Variants in IL1RAP observed in about 807,000 individuals in gnomAD.
IL1RAP encodes the protein interleukin 1 receptor accessory protein, also known as interleukin-1 receptor accessory protein.
In IL1RAP, 35 loss-of-function variants were observed where a neutral mutation model predicts 60.7. The ratio of observed to expected loss-of-function variants is 0.58; its 90% CI spans 0.44 to 0.76. The LOEUF (loss-of-function observed/expected upper bound fraction) is 0.76. Ranked by LOEUF, IL1RAP falls within the 30% of genes least tolerant of loss-of-function variation. The pLI is 0.00. For synonymous variants in IL1RAP, 268 were observed against 250.9 expected (o/e 1.07, Z -0.64); for missense variants, 572 against 693.9 (o/e 0.82, Z 1.97).
chr3:190,517,454 G>T (rs1218452065), intron 1 of IL1RAP, among the ~76,000 whole-genome samples: 2 of 152,180 alleles, frequency 1.3e-5, no homozygotes, highest in Non-Finnish European at 2.9e-5. Flanking sequence ...GGCATTTGCA[G>T]AAAGAGACCA....
chr3:190,537,403 C>T (rs9876152), intron 1 of IL1RAP, among the ~76,000 whole-genome samples: 15,123 of 152,116 alleles, frequency 0.099, 1,065 homozygotes, highest in East Asian at 0.36. Flanking sequence ...ATAGCCTCAT[C>T]TGGTTTCCTT....
At chr3:190,613,678 CA>C (rs1560213954) in intron 5 of IL1RAP, among the ~76,000 whole-genome samples, 1 of 151,942 alleles carries the variant, frequency 6.6e-6, no homozygotes, top group East Asian at 1.9e-4. Context: ...ACTAAAAATA[CA>C]AAAACTAGCC....
intron 1 of IL1RAP, among the ~76,000 whole-genome samples, chr3:190,525,630 T>C (rs915611042): frequency 3.9e-5 from 6 of 152,208 alleles, no homozygotes; most frequent in African/African-American, 1.4e-4. Flanking sequence ...TAGGCTGTTA[T>C]GAACAGATGA....
At chr3:190,584,321 T>C (rs1728258790) in intron 3 of IL1RAP, among the ~76,000 whole-genome samples, 1 of 152,236 alleles carries the variant, frequency 6.6e-6, no homozygotes, top group South Asian at 2.1e-4. Context: ...TGATTAAGGC[T>C]GCTGTAAACG....
At chr3:190,569,037 T>G (rs572200200) in intron 3 of IL1RAP, among the ~76,000 whole-genome samples, 2 of 152,284 alleles carry the variant, frequency 1.3e-5, no homozygotes, top group South Asian at 4.1e-4. Flanking sequence ...TGCTCCTTCC[T>G]AGGAAGAAAC....
At chr3:190,595,626 A>G (rs1046823493) in intron 3 of IL1RAP, among the ~76,000 whole-genome samples, 2 of 152,166 alleles carry the variant, frequency 1.3e-5, no homozygotes, top group African/African-American at 4.8e-5. Context: ...TCAGGCTTAG[A>G]TAGGACTACT....
exon 12 of IL1RAP, chr3:190,657,433 T>C (rs1452124225): frequency 1.3e-5 from 2 of 152,196 alleles, no homozygotes; most frequent in Non-Finnish European, 2.9e-5. Context: ...AATCTCATAT[T>C]TTTAGAACTG....
chr3:190,595,972 A>G (rs1230622058), intron 3 of IL1RAP, among the ~76,000 whole-genome samples: 1 of 152,226 alleles, frequency 6.6e-6, no homozygotes, highest in African/African-American at 2.4e-5. Flanking sequence ...CTCGTTTTGC[A>G]TGCTAGGACT....
chr3:190,547,951 A>G (rs1475082322), intron 1 of IL1RAP, among the ~76,000 whole-genome samples: 1 of 152,132 alleles, frequency 6.6e-6, no homozygotes, highest in African/African-American at 2.4e-5. Flanking sequence ...GGCCTCTCCG[A>G]GGCTTCTGGG....
At chr3:190,573,408 A>G (rs1335465511) in intron 3 of IL1RAP, among the ~76,000 whole-genome samples, 2 of 152,198 alleles carry the variant, frequency 1.3e-5, no homozygotes, top group Non-Finnish European at 2.9e-5. Flanking sequence ...CAACCAATCT[A>G]TATTCAAGTC....
chr3:190,602,542 AT>A (rs1377524435), intron 3 of IL1RAP, among the ~76,000 whole-genome samples: 1 of 152,172 alleles, frequency 6.6e-6, no homozygotes, highest in Non-Finnish European at 1.5e-5. Context: ...ATTAAAGTAA[AT>A]TTGCATGTGG....
At chr3:190,596,038 T>C (rs888203985) in intron 3 of IL1RAP, among the ~76,000 whole-genome samples, 2 of 152,202 alleles carry the variant, frequency 1.3e-5, no homozygotes, top group Non-Finnish European at 2.9e-5. Context: ...GAGACTAGTT[T>C]AAGAGAAGCA....
intron 3 of IL1RAP, among the ~76,000 whole-genome samples, chr3:190,597,128 T>A (rs145981101): frequency 2.9e-4 from 44 of 152,336 alleles, no homozygotes; most frequent in African/African-American, 1.0e-3. Context: ...GGGAGATACA[T>A]GGCAGGTATA....
intron 6 of IL1RAP, among the ~76,000 whole-genome samples, chr3:190,622,055 GA>G (rs1731823269): frequency 1.3e-5 from 2 of 152,130 alleles, no homozygotes; most frequent in Non-Finnish European, 2.9e-5. Context: ...ATTTTCCATT[GA>G]TTTACTCATT....
intron 1 of IL1RAP, chr3:190,550,523 T>C (rs1724774058): frequency 6.6e-6 from 1 of 152,336 alleles, no homozygotes; most frequent in Non-Finnish European, 1.5e-5. Flanking sequence ...TAGTTATGCT[T>C]GCTAAGATTT....
intron 3 of IL1RAP, among the ~76,000 whole-genome samples, chr3:190,585,507 A>T (rs3773968): frequency 0.34 from 52,274 of 151,950 alleles, 9,237 homozygotes; most frequent in East Asian, 0.5. Context: ...TGCTCATACT[A>T]ATCATTAACA....
Position 190,648,764 on chromosome 3 carries a change from C to T in IL1RAP, c.*59C>T, listed in dbSNP as rs1009178661. On this transcript the variant is annotated 3_prime_UTR_variant, in exon 12 of 12. Transcript: ENST00000447382. ...GTGCTCCAGGAAGAAAGAGTCCCCC[C>T]AGTCTTCATTCGCAGTTTATGGTTT... 2.7e-5 allele frequency: 41 copies of T among 1,535,670 alleles called. No homozygotes were observed. The East Asian group carries it at 9.3e-4, about 35-fold the overall frequency.
At position 190,650,989 on chromosome 3, in the gene IL1RAP, G is replaced by A. The variant is rs749146956; in HGVS notation, c.*2284G>A. 1.0e-6 allele frequency: 1 copy of A among 984,964 alleles called. No homozygotes were observed. The highest frequency in any genetic ancestry group is 4.7e-5 in the South Asian group (1 of 21,290). 61.0% of individuals were successfully genotyped at this position (984,964 alleles called of 1,614,324 possible). A position where few individuals can be genotyped will look rare whatever the true frequency, so the allele number is the denominator to read the frequency against. On this transcript the variant is annotated 3_prime_UTR_variant, in exon 12 of 12. Coordinates refer to ENST00000447382, the MANE Select transcript of IL1RAP (RefSeq NM_002182.4). ...TTTTTCTATTTATATGCCTGCCTTT[G>A]GTACTTAATTTTACAAATGCTGTAA...
intron 5 of IL1RAP, among the ~76,000 whole-genome samples, chr3:190,619,447 A>T (rs1214165469): frequency 6.6e-6 from 1 of 152,108 alleles, no homozygotes; most frequent in Admixed American, 6.5e-5. Context: ...TAAAAATGGG[A>T]TAAAGTTGGT....
Sources: gnomAD v4.1 joint callset for allele counts (sites outside exome capture counted in the v4.1 genomes callset) on GRCh38, gnomAD v4.1.1 for gene constraint, MANE v1.5 for transcripts, NCBI Gene and HGNC (gene_info 2026-07-23, HGNC 2026-07-21) for gene names.